The following TRAF5 variants were observed in gnomAD, a reference collection of about 807,000 sequenced individuals.
The protein encoded by TRAF5 is TNF receptor associated factor 5, also known as TNF receptor-associated factor 5.
A neutral mutation model predicts 64.5 loss-of-function variants in TRAF5; 48 were observed. That is an observed-to-expected ratio of 0.74 (90% confidence interval 0.59 to 0.95). TRAF5 has a LOEUF of 0.95. Ranked by LOEUF, TRAF5 falls within the 40% of genes least tolerant of loss-of-function variation. TRAF5 has a pLI of 0.00. For synonymous variants in TRAF5, 206 were observed against 240.5 expected, an observed-to-expected ratio of 0.86 and a Z score of 1.33; for missense variants, 545 against 662.8, an observed-to-expected ratio of 0.82 and a Z score of 1.95.
chr1:211,360,542 C>T, intron 5 of TRAF5, 160 bp from the exon 6 acceptor site: 1 of 576,136 alleles, frequency 1.7e-6, no homozygotes, highest in Non-Finnish European at 3.1e-6. Context: ...AGTTCATTTA[C>T]ACCTAGAAAG....
chr1:211,330,548 A>C lies in TRAF5; in HGVS notation c.-2+3659A>C, dbSNP rs978558325. Among the ~76,000 whole-genome samples the C allele has an allele frequency of 2.0e-5, 3 of 151,370 alleles. No homozygotes were observed. In the East Asian group the frequency reaches 5.8e-4, roughly 29 times the overall value. On this transcript the variant is annotated intron_variant, in intron 1 of 10. Transcript: ENST00000261464. ...AGCTGAGTTTTCTGTTAGTAAGAAG[A>C]CTCCATGTTTCCCCAGTCCCTCTTC... is the stretch of plus-strand genomic sequence containing the variant.
intron 1 of TRAF5, among the ~76,000 whole-genome samples, chr1:211,347,705 G>T (rs530485513): frequency 6.6e-6 from 1 of 152,226 alleles, no homozygotes; most frequent in Non-Finnish European, 1.5e-5. Context: ...CCAGGACAAA[G>T]CTGACAAGAC....
chr1:211,343,349 C>T (rs1345045553), intron 1 of TRAF5, among the ~76,000 whole-genome samples: 1 of 152,154 alleles, frequency 6.6e-6, no homozygotes, highest in Non-Finnish European at 1.5e-5. Context: ...TCTTCATCCC[C>T]TGAGGGCCTC....
intron 1 of TRAF5, among the ~76,000 whole-genome samples, chr1:211,344,872 G>A (rs1702551801): frequency 6.6e-6 from 1 of 152,032 alleles, no homozygotes; most frequent in South Asian, 2.1e-4. Context: ...TCCTGCCACA[G>A]CCCCCCAAGT....
chr1:211,359,635 G>A (rs78308106), intron 4 of TRAF5: 56 of 355,896 alleles, frequency 1.6e-4, no homozygotes, highest in Middle Eastern at 7.4e-4. Context: ...AAACAAACTT[G>A]GTGTACTTCC....
chr1:211,330,543 A>T (rs1157033260), intron 1 of TRAF5, among the ~76,000 whole-genome samples: 2 of 152,034 alleles, frequency 1.3e-5, no homozygotes, highest in East Asian at 3.9e-4. Flanking sequence ...TCTGTTAGTA[A>T]GAAGACTCCA....
chr1:211,350,986 CA>C (rs202078195), intron 1 of TRAF5, among the ~76,000 whole-genome samples: 1,838 of 151,456 alleles, frequency 0.012, 16 homozygotes, highest in Middle Eastern at 0.071. Flanking sequence ...GCTGGGACTA[CA>C]GGTGTGCACC....
chr1:211,350,125 T>C (rs1235834283), intron 1 of TRAF5, among the ~76,000 whole-genome samples: 1 of 151,914 alleles, frequency 6.6e-6, no homozygotes, highest in Admixed American at 6.6e-5. Flanking sequence ...TTGTATCTTA[T>C]ACTGCTTACC....
chr1:211,340,270 T>C (rs977962152), intron 1 of TRAF5, among the ~76,000 whole-genome samples: 1 of 152,162 alleles, frequency 6.6e-6, no homozygotes, highest in Non-Finnish European at 1.5e-5. Flanking sequence ...CGAGTGTTTG[T>C]GCTCTTTGTA....
chr1:211,339,039 G>C (rs949215923), intron 1 of TRAF5, among the ~76,000 whole-genome samples: 1 of 152,174 alleles, frequency 6.6e-6, no homozygotes, highest in Admixed American at 6.5e-5. Flanking sequence ...GCTGCAATGG[G>C]GTACATTTTC....
chr1:211,356,925 G>A (rs1311011759), intron 4 of TRAF5: 1 of 159,074 alleles, frequency 6.3e-6, no homozygotes, highest in East Asian at 1.8e-4. Context: ...GGCCTCATGG[G>A]GTTTATGATC....
intron 1 of TRAF5, among the ~76,000 whole-genome samples, chr1:211,330,620 A>T (rs1283482630): frequency 1.3e-5 from 2 of 151,912 alleles, no homozygotes; most frequent in Non-Finnish European, 2.9e-5. Flanking sequence ...CAGCTCTTGC[A>T]CTCGCTCCTC....
At chr1:211,347,437 T>G (rs1362177254) in intron 1 of TRAF5, among the ~76,000 whole-genome samples, 1 of 152,150 alleles carries the variant, frequency 6.6e-6, no homozygotes, top group East Asian at 1.9e-4. Flanking sequence ...ACACCTCAAG[T>G]CCACATCTCA....
chr1:211,349,671 C>G (rs1397229007), intron 1 of TRAF5, among the ~76,000 whole-genome samples: 1 of 152,166 alleles, frequency 6.6e-6, no homozygotes, highest in Non-Finnish European at 1.5e-5. Flanking sequence ...ACTGTTGTAG[C>G]AAAAGATGGA....
chr1:211,361,008 A>G (rs1008694405), intron 6 of TRAF5, 80 bp from the exon 7 acceptor site: 3 of 1,442,864 alleles, frequency 2.1e-6, no homozygotes, highest in Non-Finnish European at 1.9e-6. Flanking sequence ...CCTTCTTCCC[A>G]AGCCACTCTT....
chr1:211,327,486 G>T (rs966850293), intron 1 of TRAF5, among the ~76,000 whole-genome samples: 7 of 152,188 alleles, frequency 4.6e-5, no homozygotes, highest in Admixed American at 3.9e-4. Context: ...GAGCTCTAAG[G>T]AACCTTGACG....
rs147676835 is a variant in TRAF5 at position 211,366,505 on chromosome 1, CT to C, written c.789+1039del. Among the ~76,000 whole-genome samples the C allele has an allele frequency of 3.6e-4, 55 of 152,254 alleles. 1 individual carries two copies. In the East Asian group the frequency reaches 7.1e-3, roughly 20 times the overall value. On this transcript the variant is annotated intron_variant, in intron 8 of 10. Coordinates refer to ENST00000261464, the MANE Select transcript of TRAF5 (RefSeq NM_001033910.3). Reference sequence around the variant, plus strand: ...AATGTAAACAGGTAAGTTGTCATGCCTTGTAGGACATGCTGTAACTCAGTCT... The same window carrying C: ...AATGTAAACAGGTAAGTTGTCATGCCTGTAGGACATGCTGTAACTCAGTCT...
At chr1:211,363,519 A>G (rs1318998104) in intron 7 of TRAF5, among the ~76,000 whole-genome samples, 6 of 152,172 alleles carry the variant, frequency 3.9e-5, no homozygotes, top group African/African-American at 1.4e-4. Flanking sequence ...TTTACTTTTT[A>G]TTCTTCATCT....
intron 5 of TRAF5, 119 bp downstream of exon 5, chr1:211,360,195 G>T: frequency 1.7e-6 from 2 of 1,149,332 alleles, no homozygotes; most frequent in Non-Finnish European, 2.5e-6. Flanking sequence ...ACAGAATTAG[G>T]TCTAAAGAAT....
Sources: allele counts gnomAD v4.1 joint callset (sites outside exome capture counted in the v4.1 genomes callset), GRCh38; gene constraint gnomAD v4.1.1; transcripts MANE v1.5; gene names NCBI Gene and HGNC (gene_info 2026-07-23, HGNC 2026-07-21).